FGD3: variants seen among roughly 807,000 people sequenced by gnomAD.
The protein encoded by FGD3 is FYVE, RhoGEF and PH domain-containing protein 3.
Under a neutral mutation model 71.8 loss-of-function variants are expected in FGD3, and 45 were observed. The observed-to-expected ratio is 0.63, with a 90% CI of 0.49 to 0.80. FGD3 has a LOEUF of 0.80. Ranked by LOEUF, FGD3 falls within the 30% of genes least tolerant of loss-of-function variation. The probability of loss-of-function intolerance (pLI) is 0.00; values close to 1 mark genes in which losing one functional copy is unlikely to be tolerated. For synonymous variants in FGD3, 378 were observed against 392.8 expected, an observed-to-expected ratio of 0.96 and a Z score of 0.44; for missense variants, 844 against 951.5, an observed-to-expected ratio of 0.89 and a Z score of 1.49.
intron 1 of FGD3, among the ~76,000 whole-genome samples, chr9:92,951,417 C>G (rs1044084798): frequency 6.6e-5 from 10 of 152,190 alleles, no homozygotes; most frequent in African/African-American, 2.4e-4. Flanking sequence ...TGGCTCATGC[C>G]TATAATCCCA....
rs537245394 is a variant in FGD3, at chr9:92,969,488, G to T, written c.-217-5750G>T. ...TGAAGTGGCATCAAAGAATATACGG[G>T]CAGTTTAAAAACCACCACTAACGCG... On this transcript the variant is annotated intron_variant, in intron 1 of 17. Coordinates refer to ENST00000375482, the MANE Select transcript of FGD3 (RefSeq NM_001083536.2). This position sits in a 1 kb window ranked among gnomAD's most constrained non-coding sequence, Gnocchi z 4.5. 1.3e-5 allele frequency among the ~76,000 whole-genome samples: 2 copies of T among 152,182 alleles called. No individual in the cohort carries two copies. Among genetic ancestry groups the T allele is most frequent in the African/African-American group, 4.8e-5 (2 of 41,422 alleles).
In FGD3 at chr9:93,010,294, C is replaced by A; in HGVS notation, c.886C>A (p.Pro296Thr). 1.2e-6 allele frequency: 2 copies of A among 1,613,444 alleles called. No individual in the cohort carries two copies. Among genetic ancestry groups the A allele is most frequent in the Non-Finnish European group, 1.7e-6 (2 of 1,179,522 alleles). The change falls in exon 7 of 18, where the codon CCC (proline) becomes ACC (threonine). Residue 296 changes from proline to threonine, a missense_variant. Pro to Thr is a conservative substitution (Grantham distance 38). Transcript: ENST00000375482. Reference sequence around the variant, plus strand: ...GACGCTGCAGCACCACATGCTGGAGCCCGTGCAGAGGGTCCCCCGGTACGA... The same window carrying A: ...GACGCTGCAGCACCACATGCTGGAGACCGTGCAGAGGGTCCCCCGGTACGA... ...NLTLQHHMLE[P>T]VQRVPRYELL...
intron 14 of FGD3, among the ~76,000 whole-genome samples, chr9:93,028,218 G>GCACACACACACACA (rs547210870): frequency 1.4e-5 from 2 of 141,052 alleles, no homozygotes; most frequent in Non-Finnish European, 3.1e-5. Flanking sequence ...ACACACACAC[G>GCACACACACACACA]CACACACACA....
intron 13 of FGD3, among the ~76,000 whole-genome samples, chr9:93,021,917 G>A (rs554023866): frequency 6.6e-6 from 1 of 152,334 alleles, no homozygotes; most frequent in East Asian, 1.9e-4. Context: ...AGCCCTTTCT[G>A]TTCAGAGGCT....
chr9:93,019,214 T>C (rs1357085169), intron 11 of FGD3, among the ~76,000 whole-genome samples: 3 of 152,232 alleles, frequency 2.0e-5, no homozygotes, highest in Non-Finnish European at 2.9e-5. Flanking sequence ...GGCTGTTTAC[T>C]GTATAACCTG....
chr9:93,026,740 T>A (rs1438261593), intron 14 of FGD3, among the ~76,000 whole-genome samples: 1 of 152,212 alleles, frequency 6.6e-6, no homozygotes, highest in Non-Finnish European at 1.5e-5. Flanking sequence ...GCCCCGCAGG[T>A]ACCTGTCCTC....
chr9:93,035,528 C>G lies in FGD3; in HGVS notation c.2117C>G (p.Thr706Arg). 1.9e-6 allele frequency: 3 copies of G among 1,611,558 alleles called. No homozygotes were observed. The highest frequency in any genetic ancestry group is 2.5e-6 in the Non-Finnish European group (3 of 1,179,816). Residue 706 changes from threonine to arginine, a missense_variant, in exon 18 of 18, where the codon ACG becomes AGG. Thr to Arg is a moderately conservative substitution (Grantham distance 71). Transcript: ENST00000375482. ...CTAAGCACTGCTGCCCATGGGGACA[C>G]GGCCCAGGACAGCCCGGGGGCCCTG... ...ETLSTAAHGD[T>R]AQDSPGALQL... is the part of the protein sequence containing the mutation.
chr9:93,010,482 G>A, intron 7 of FGD3, 98 bp downstream of exon 7: 3 of 1,313,656 alleles, frequency 2.3e-6, no homozygotes, highest in East Asian at 2.6e-5. Context: ...GGGGTCATGG[G>A]GGTAGGGGAG....
chr9:92,956,928 T>C (rs921392685), intron 1 of FGD3, among the ~76,000 whole-genome samples: 18 of 144,006 alleles, frequency 1.2e-4, no homozygotes, highest in African/African-American at 4.7e-4. Context: ...AACCTTGACC[T>C]CCGGGGCTCA....
intron 13 of FGD3, 100 bp from the exon 14 acceptor site, chr9:93,022,227 A>C (rs10992583): frequency 1.3e-5 from 16 of 1,195,224 alleles, no homozygotes; most frequent in Non-Finnish European, 1.5e-5. Context: ...CCTGCCCTCA[A>C]TGCACAGAGG....
At position 93,003,970 on chromosome 9, in the gene FGD3, A is replaced by G. The variant is rs759880993; in HGVS notation, c.544-31A>G. 3 of 1,612,958 alleles carry G rather than the reference A, an allele frequency of 1.9e-6. No individual in the cohort carries two copies. The highest frequency in any genetic ancestry group is 2.5e-6 in the Non-Finnish European group (3 of 1,179,430). On this transcript the variant is annotated intron_variant, in intron 4 of 17. Transcript: ENST00000375482. The surrounding 1 kb of genome is among the most constrained non-coding windows in gnomAD (Gnocchi z 4.1). ...CAACTGTGCTCAGTGGAAGAGGCTCACTGGCCACACGTGGGCTTCTCTATG... is the reference window on the plus strand; with the variant it reads ...CAACTGTGCTCAGTGGAAGAGGCTCGCTGGCCACACGTGGGCTTCTCTATG...
At chr9:92,950,816 G>A (rs762161162) in intron 1 of FGD3, among the ~76,000 whole-genome samples, 4 of 152,340 alleles carry the variant, frequency 2.6e-5, no homozygotes, top group Middle Eastern at 6.8e-3. Context: ...ATCTGTGGAC[G>A]ACAGCCCCTA....
intron 3 of FGD3, among the ~76,000 whole-genome samples, chr9:92,992,203 G>T (rs1860440126): frequency 6.6e-6 from 1 of 152,048 alleles, no homozygotes; most frequent in South Asian, 2.1e-4. Flanking sequence ...ATTGTGTTCT[G>T]GTTGTTTTGT....
chr9:92,965,821 A>C (rs1859303909), intron 1 of FGD3, among the ~76,000 whole-genome samples: 1 of 152,136 alleles, frequency 6.6e-6, no homozygotes, highest in Non-Finnish European at 1.5e-5. Context: ...CATCCTCCCC[A>C]CCTGCCCCGA....
intron 14 of FGD3, among the ~76,000 whole-genome samples, chr9:93,025,432 G>A (rs1862081465): frequency 6.6e-6 from 1 of 152,222 alleles, no homozygotes; most frequent in Non-Finnish European, 1.5e-5. Flanking sequence ...TGAGACTAGG[G>A]TAGGAGCTGG....
At chr9:92,971,409 G>GCAACCACA (rs1279856582) in intron 1 of FGD3, among the ~76,000 whole-genome samples, 1 of 151,798 alleles carries the variant, frequency 6.6e-6, no homozygotes, top group African/African-American at 2.4e-5. Flanking sequence ...CTCCTAGGCT[G>GCAACCACA]CAACCACACA....
Position 92,971,246 on chromosome 9 carries a change from C to T in FGD3, c.-217-3992C>T, listed in dbSNP as rs76072722. On this transcript the variant is annotated intron_variant, in intron 1 of 17. Transcript: ENST00000375482. Reference sequence around the variant, plus strand: ...GGTGTTTGCAATACAGAGTTGCAAACGCAAAGCTGGAGGTGAGTGTCCTTC... The same window carrying T: ...GGTGTTTGCAATACAGAGTTGCAAATGCAAAGCTGGAGGTGAGTGTCCTTC... Among the ~76,000 whole-genome samples, 259 of 152,238 alleles carry T rather than the reference C, an allele frequency of 1.7e-3. 4 individuals are homozygous for T. The highest frequency in any genetic ancestry group is 3.3e-3 in the South Asian group (16 of 4,826).
chr9:93,007,804 G>T (rs1158833617), intron 6 of FGD3, among the ~76,000 whole-genome samples: 2 of 152,228 alleles, frequency 1.3e-5, no homozygotes, highest in Non-Finnish European at 2.9e-5. Context: ...GCCCCCCGGG[G>T]ATCCCAGGCC....
intron 3 of FGD3, 130 bp from the exon 4 acceptor site, chr9:93,002,795 C>T: frequency 3.7e-6 from 3 of 813,198 alleles, no homozygotes; most frequent in South Asian, 3.1e-5. Context: ...CCTCCTGCCC[C>T]TTCTCTTGCC....
Sources: allele counts gnomAD v4.1 joint callset (sites outside exome capture counted in the v4.1 genomes callset), GRCh38; gene constraint gnomAD v4.1.1; non-coding constraint Gnocchi (gnomAD v3.1); transcripts MANE v1.5; gene names NCBI Gene and HGNC (gene_info 2026-07-23, HGNC 2026-07-21).